YEATS4: variants seen among roughly 807,000 people sequenced by gnomAD.
YEATS4 encodes the protein YEATS domain-containing protein 4.
In YEATS4, 17 loss-of-function variants were observed where a neutral mutation model predicts 30.1. That is an observed-to-expected ratio of 0.56 (90% confidence interval 0.39 to 0.85). The LOEUF (loss-of-function observed/expected upper bound fraction) is 0.85. Among genes scored for constraint, YEATS4 ranks in the 40% least tolerant of loss-of-function variants. The pLI is 0.00. For synonymous variants in YEATS4, 85 were observed against 87.5 expected (o/e 0.97, Z 0.16); for missense variants, 142 against 268.3 (o/e 0.53, Z 3.29).
intron 4 of YEATS4, among the ~76,000 whole-genome samples, chr12:69,369,658 A>G (rs1473899937): frequency 3.3e-5 from 5 of 151,896 alleles, no homozygotes; most frequent in Admixed American, 3.3e-4. Flanking sequence ...TTCTTGGTAG[A>G]CTCATCTGCT....
chr12:69,408,221 C>T, the YEATS4 span, among the ~76,000 whole-genome samples: 21 of 152,244 alleles, frequency 1.4e-4, no homozygotes, highest in South Asian at 3.9e-3. Context: ...AAAGATCCTT[C>T]GAACTTACTA....
the YEATS4 span, among the ~76,000 whole-genome samples, chr12:69,417,153 A>ATTTTTTTTTT: frequency 7.3e-6 from 1 of 136,378 alleles, no homozygotes; most frequent in Non-Finnish European, 1.5e-5. Context: ...ATTTTTTAAA[A>ATTTTTTTTTT]ATTTTTTTTT....
At chr12:69,417,407 G>A in the YEATS4 span, among the ~76,000 whole-genome samples, 7 of 151,886 alleles carry the variant, frequency 4.6e-5, no homozygotes, top group South Asian at 4.2e-4. Context: ...TAATCCTCCC[G>A]CCTCAGCCTC....
At position 69,359,839 on chromosome 12, in the gene YEATS4, A is replaced by G. The variant is rs1875108263; in HGVS notation, c.-134A>G. Reference sequence around the variant, plus strand: ...ACGGTTACTCACCGCCGTGAGCCCAAGTAACTCGCCCTCCTTCGGCTAGAA... The same window carrying G: ...ACGGTTACTCACCGCCGTGAGCCCAGGTAACTCGCCCTCCTTCGGCTAGAA... On this transcript the variant is annotated 5_prime_UTR_variant, in exon 1 of 7. Transcript: ENST00000247843. The G allele has an allele frequency of 9.2e-7, 1 of 1,081,146 alleles. No individual in the cohort carries two copies. The highest frequency in any genetic ancestry group is 1.3e-6 in the Non-Finnish European group (1 of 754,216). 67.0% of individuals were successfully genotyped at this position (1,081,146 alleles called of 1,614,324 possible).
At chr12:69,360,784 C>T (rs1442317224) in intron 1 of YEATS4, among the ~76,000 whole-genome samples, 1 of 148,284 alleles carries the variant, frequency 6.7e-6, no homozygotes, top group African/African-American at 2.5e-5. Flanking sequence ...CAGGCGTGAG[C>T]CACCGCGCCC....
the YEATS4 span, among the ~76,000 whole-genome samples, chr12:69,408,149 A>G: frequency 2.0e-5 from 3 of 152,138 alleles, no homozygotes; most frequent in Non-Finnish European, 4.4e-5. Context: ...GAGTTTTACA[A>G]TCTTCTGGGA....
chr12:69,390,369 C>T lies in YEATS4; in HGVS notation c.*53C>T, dbSNP rs1053302200. On this transcript the variant is annotated 3_prime_UTR_variant, in exon 7 of 7. Transcript: ENST00000247843. ...GCTAAACTGAAAATAAGGTGGGCTT[C>T]ACTGGAGAAATGGACTTACTGCAAA... The T allele has an allele frequency of 1.4e-6, 2 of 1,470,214 alleles. No individual in the cohort carries two copies. Among genetic ancestry groups the T allele is most frequent in the Non-Finnish European group, 1.8e-6 (2 of 1,106,482 alleles). 91.1% of individuals were successfully genotyped at this position (1,470,214 alleles called of 1,614,324 possible). A position where few individuals can be genotyped will look rare whatever the true frequency, so the allele number is the denominator to read the frequency against.
Position 69,390,155 on chromosome 12 carries a change from C to T in YEATS4, c.523C>T (p.Leu175Phe). The change falls in exon 7 of 7, where the codon CTT (leucine) becomes TTT (phenylalanine). Residue 175 changes from leucine (L) to phenylalanine (F), a missense_variant. Transcript: ENST00000247843. ...GTATTTGTTTTCTTTAGTTGCAGAG[C>T]TTGAAGTGAAAACCAGAGAAAAATT... ...AYKHETEFAE[L>F]EVKTREKLEA... 1 of 1,581,596 alleles carries T rather than the reference C, an allele frequency of 6.3e-7. No individual in the cohort carries two copies. The highest frequency in any genetic ancestry group is 8.5e-7 in the Non-Finnish European group (1 of 1,171,740).
the YEATS4 span, among the ~76,000 whole-genome samples, chr12:69,421,450 A>G: frequency 6.6e-6 from 1 of 152,186 alleles, no homozygotes; most frequent in South Asian, 2.1e-4. Context: ...TTTCTACTGC[A>G]AATTCGTATT....
At chr12:69,394,385 A>G (rs1051092423), downstream of YEATS4, among the ~76,000 whole-genome samples, 6 of 152,266 alleles carry the variant, frequency 3.9e-5, no homozygotes, top group African/African-American at 1.4e-4. Context: ...CAAATGAACC[A>G]CTGGCAAAAG....
intron 4 of YEATS4, among the ~76,000 whole-genome samples, chr12:69,366,541 A>G (rs552443795): frequency 6.6e-6 from 1 of 152,260 alleles, no homozygotes; most frequent in South Asian, 2.1e-4. Context: ...GAACCCAGAT[A>G]TTTGCATTCA....
At chr12:69,403,279 A>G in the YEATS4 span, among the ~76,000 whole-genome samples, 1 of 152,146 alleles carries the variant, frequency 6.6e-6, no homozygotes, top group African/African-American at 2.4e-5. Flanking sequence ...AAGTTACCCT[A>G]TTAAAAGGGA....
chr12:69,359,971 A>AT lies in YEATS4; in HGVS notation c.-1dup, dbSNP rs762814232. 6.2e-7 allele frequency: 1 copy of AT among 1,612,674 alleles called. No individual in the cohort carries two copies. Among genetic ancestry groups the AT allele is most frequent in the Non-Finnish European group, 8.5e-7 (1 of 1,179,366 alleles). ...CGGCGGCGGCTTCTTCCGTGGGACA[A>AT]TATGTTCAAGAGAATGGCCGAATTT... On this transcript the variant is annotated 5_prime_UTR_variant, in exon 1 of 7. Coordinates refer to ENST00000247843, the MANE Select transcript of YEATS4 (RefSeq NM_006530.4).
At chr12:69,375,504 G>A (rs547533862) in intron 6 of YEATS4, among the ~76,000 whole-genome samples, 117 of 152,244 alleles carry the variant, frequency 7.7e-4, no homozygotes, top group African/African-American at 2.7e-3. Context: ...ACGGGGTGGC[G>A]GCCGGGCAGA....
the YEATS4 span, among the ~76,000 whole-genome samples, chr12:69,418,816 G>T: frequency 2.0e-5 from 3 of 151,918 alleles, no homozygotes; most frequent in African/African-American, 7.3e-5. Flanking sequence ...AGGCATAGTG[G>T]TGCATACATG....
Position 69,377,325 on chromosome 12 carries a change from C to G in YEATS4, c.514+6350C>G, listed in dbSNP as rs563106243. The stretch of plus-strand genomic sequence containing the variant: ...GACATTTAAAGCTACACATTTCCCT[C>G]TGAGTACTGCTTTTGCTGTGTTGTT... On this transcript the variant is annotated intron_variant, in intron 6 of 6. Transcript: ENST00000247843. 2.0e-5 allele frequency among the ~76,000 whole-genome samples: 3 copies of G among 152,358 alleles called. No individual in the cohort carries two copies. In the South Asian group the frequency reaches 6.2e-4, roughly 32 times the overall value.
the YEATS4 span, among the ~76,000 whole-genome samples, chr12:69,414,965 A>G: frequency 2.0e-5 from 3 of 152,216 alleles, no homozygotes; most frequent in African/African-American, 4.8e-5. Context: ...TCAATGTATT[A>G]TAGAGACTGG....
the YEATS4 span, among the ~76,000 whole-genome samples, chr12:69,414,546 G>T: frequency 6.6e-6 from 1 of 152,088 alleles, no homozygotes; most frequent in African/African-American, 2.4e-5. Context: ...ATTTCTTATT[G>T]TCCCCCAAAT....
intron 4 of YEATS4, among the ~76,000 whole-genome samples, chr12:69,367,419 G>C (rs1341366007): frequency 6.6e-6 from 1 of 152,002 alleles, no homozygotes; most frequent in Non-Finnish European, 1.5e-5. Flanking sequence ...CCAGGCTGGA[G>C]TACAGTGGCA....
Sources: allele counts gnomAD v4.1 joint callset (sites outside exome capture counted in the v4.1 genomes callset), GRCh38; gene constraint gnomAD v4.1.1; transcripts MANE v1.5; gene names NCBI Gene and HGNC (gene_info 2026-07-23, HGNC 2026-07-21).